CDYL2: variants seen among roughly 807,000 people sequenced by gnomAD.
The protein encoded by CDYL2 is chromodomain Y like 2.
In CDYL2, 23 loss-of-function variants were observed where a neutral mutation model predicts 49.4. The observed-to-expected ratio is 0.47, with a 90% CI of 0.34 to 0.66. CDYL2 has a LOEUF of 0.66. Ranked by LOEUF, CDYL2 falls within the 30% of genes least tolerant of loss-of-function variation. The probability of loss-of-function intolerance (pLI) is 0.01; values close to 1 mark genes in which losing one functional copy is unlikely to be tolerated. For missense variants in CDYL2, 678 were observed against 656.4 expected (o/e 1.03, Z -0.36); for synonymous variants, 360 against 268.8 (o/e 1.34, Z -3.32).
chr16:80,695,263 T>C (rs901992598), intron 1 of CDYL2, among the ~76,000 whole-genome samples: 5 of 152,240 alleles, frequency 3.3e-5, no homozygotes, highest in Non-Finnish European at 5.9e-5. Context: ...ATACTTACTC[T>C]GGCCCAAGAA....
intron 1 of CDYL2, chr16:80,738,830 G>A (rs1172440894): frequency 6.6e-6 from 1 of 152,210 alleles, no homozygotes; most frequent in East Asian, 1.9e-4. Context: ...ACTTCGCCAA[G>A]CTTCAGTTTC....
chr16:80,616,727 A>G (rs1370337527), intron 4 of CDYL2, among the ~76,000 whole-genome samples: 1 of 152,224 alleles, frequency 6.6e-6, no homozygotes, highest in Non-Finnish European at 1.5e-5. Context: ...GCTAGAAGTC[A>G]TGGCTGGAAG....
chr16:80,702,645 G>A (rs965753949), intron 1 of CDYL2, among the ~76,000 whole-genome samples: 9 of 152,176 alleles, frequency 5.9e-5, no homozygotes, highest in Non-Finnish European at 1.3e-4. Flanking sequence ...AGCTACTCGG[G>A]AGGCTGAGGC....
rs146350924 is a variant in CDYL2 at position 80,656,036 on chromosome 16, G to A, written c.617-22800C>T. Among the ~76,000 whole-genome samples the A allele has an allele frequency of 2.6e-5, 4 of 152,288 alleles. No individual in the cohort carries two copies. In the South Asian group the frequency reaches 6.2e-4, roughly 24 times the overall value. On this transcript the variant is annotated intron_variant, in intron 2 of 6. Transcript: ENST00000570137. ...AATGGGAGAAGCAAGGAAGCCACAC[G>A]AGCTCTTGAGCATTGGTCTCCTTGT... is the stretch of plus-strand genomic sequence containing the variant.
intron 2 of CDYL2, among the ~76,000 whole-genome samples, chr16:80,636,888 T>A (rs1312102120): frequency 6.6e-6 from 1 of 152,104 alleles, no homozygotes; most frequent in African/African-American, 2.4e-5. Context: ...AAAGGATGAG[T>A]TCATGTCCTT....
intron 2 of CDYL2, among the ~76,000 whole-genome samples, chr16:80,677,841 C>T (rs1451235204): frequency 1.1e-4 from 17 of 152,002 alleles, no homozygotes; most frequent in Middle Eastern, 3.4e-3. Context: ...GGAGGCATCA[C>T]GCTACCTGAC....
intron 1 of CDYL2, among the ~76,000 whole-genome samples, chr16:80,754,525 G>A (rs1278793887): frequency 6.6e-6 from 1 of 152,166 alleles, no homozygotes; most frequent in East Asian, 1.9e-4. Flanking sequence ...TCCATAAACT[G>A]TGGCCTCACG....
intron 1 of CDYL2, among the ~76,000 whole-genome samples, chr16:80,697,215 A>G (rs998996115): frequency 1.3e-5 from 2 of 152,194 alleles, no homozygotes; most frequent in Non-Finnish European, 2.9e-5. Flanking sequence ...CATCAACAAC[A>G]TAGTACACCA....
rs1257192198 is a variant in CDYL2, at chr16:80,651,817, C to A, written c.617-18581G>T. Among the ~76,000 whole-genome samples, 4 of 152,046 alleles carry A rather than the reference C, an allele frequency of 2.6e-5. No individual in the cohort carries two copies. In the South Asian group the frequency reaches 6.2e-4, roughly 24 times the overall value. On this transcript the variant is annotated intron_variant, in intron 2 of 6. Coordinates refer to ENST00000570137, the MANE Select transcript of CDYL2 (RefSeq NM_152342.4). ...CAGTTGAAAAAGTTGATTCCCATGG[C>A]GGTAGGGGCTAACAATTCTGATACT...
chr16:80,670,620 A>C (rs1186613012), intron 2 of CDYL2, among the ~76,000 whole-genome samples: 3 of 152,138 alleles, frequency 2.0e-5, no homozygotes, highest in African/African-American at 7.2e-5. Context: ...CTGGCTTCTC[A>C]CCAGGAGGCC....
intron 1 of CDYL2, among the ~76,000 whole-genome samples, chr16:80,796,708 A>C (rs1907777502): frequency 6.6e-6 from 1 of 152,194 alleles, no homozygotes; most frequent in Admixed American, 6.5e-5. Context: ...GGAGATGACT[A>C]ATCCATTCTC....
intron 1 of CDYL2, among the ~76,000 whole-genome samples, chr16:80,688,654 G>C (rs1215535894): frequency 5.3e-5 from 8 of 152,164 alleles, no homozygotes; most frequent in Non-Finnish European, 1.2e-4. Flanking sequence ...AAATACCCCA[G>C]CATACTTTGA....
At chr16:80,761,484 G>A (rs1472598519) in intron 1 of CDYL2, among the ~76,000 whole-genome samples, 1 of 152,142 alleles carries the variant, frequency 6.6e-6, no homozygotes, top group Non-Finnish European at 1.5e-5. Context: ...TGGTCTTGAA[G>A]GTTCTTCTTT....
intron 2 of CDYL2, among the ~76,000 whole-genome samples, chr16:80,642,322 A>T (rs1379836364): frequency 6.6e-6 from 1 of 152,138 alleles, no homozygotes; most frequent in East Asian, 1.9e-4. Context: ...ATGCCCCTGT[A>T]ATCCCAGCTA....
chr16:80,736,576 A>T (rs1382859673), intron 1 of CDYL2: 1 of 152,194 alleles, frequency 6.6e-6, no homozygotes, highest in Non-Finnish European at 1.5e-5. Context: ...GTGGCTGAAC[A>T]CTGGGACTGT....
At chr16:80,748,845 G>C (rs1328645503) in intron 1 of CDYL2, among the ~76,000 whole-genome samples, 2 of 151,978 alleles carry the variant, frequency 1.3e-5, no homozygotes, top group East Asian at 1.9e-4. Context: ...AGAGGTCAAA[G>C]GGACCCAGTT....
chr16:80,748,885 G>A (rs1208170918), intron 1 of CDYL2, among the ~76,000 whole-genome samples: 2 of 152,040 alleles, frequency 1.3e-5, no homozygotes, highest in Non-Finnish European at 2.9e-5. Context: ...AGCTCACCCT[G>A]ATATAAATCA....
intron 2 of CDYL2, among the ~76,000 whole-genome samples, chr16:80,668,886 C>G (rs7200113): frequency 0.6 from 90,624 of 151,772 alleles, 27,675 homozygotes; most frequent in Middle Eastern, 0.76. Flanking sequence ...GCGACAGAGT[C>G]AGACACCATC....
intron 4 of CDYL2, among the ~76,000 whole-genome samples, chr16:80,614,632 G>A (rs149308974): frequency 6.6e-4 from 100 of 152,300 alleles, no homozygotes; most frequent in Non-Finnish European, 1.2e-3. Flanking sequence ...GTGGGAGGCC[G>A]AGGTGGATGG....
Sources: allele counts gnomAD v4.1 joint callset (sites outside exome capture counted in the v4.1 genomes callset), GRCh38; gene constraint gnomAD v4.1.1; transcripts MANE v1.5; gene names NCBI Gene and HGNC (gene_info 2026-07-23, HGNC 2026-07-21).